The following LMAN2L variants were observed in gnomAD, a reference collection of about 807,000 sequenced individuals.
LMAN2L encodes the protein lectin, mannose binding 2 like.
Under a neutral mutation model 44.3 loss-of-function variants are expected in LMAN2L, and 30 were observed. The ratio of observed to expected loss-of-function variants is 0.68; its 90% CI spans 0.51 to 0.92. The LOEUF (loss-of-function observed/expected upper bound fraction) is 0.92, where lower values mean the gene tolerates loss of function less well. Ranked by LOEUF, LMAN2L falls within the 40% of genes least tolerant of loss-of-function variation. LMAN2L has a pLI of 0.00. For synonymous variants in LMAN2L, 183 were observed against 171.1 expected, an observed-to-expected ratio of 1.07 and a Z score of -0.54; for missense variants, 429 against 446.1, an observed-to-expected ratio of 0.96 and a Z score of 0.35.
intron 4 of LMAN2L, among the ~76,000 whole-genome samples, chr2:96,712,611 G>T (rs2077951419): frequency 6.6e-6 from 1 of 152,140 alleles, no homozygotes; most frequent in Non-Finnish European, 1.5e-5. Flanking sequence ...ACATGGAACG[G>T]GGTTGCTGGA....
At chr2:96,739,625 C>T (rs1366422942) in intron 1 of LMAN2L, among the ~76,000 whole-genome samples, 2 of 152,158 alleles carry the variant, frequency 1.3e-5, no homozygotes, top group Non-Finnish European at 2.9e-5. Flanking sequence ...ACTAGTGGCA[C>T]CCGACAGCCC....
intron 3 of LMAN2L, 131 bp downstream of exon 3, chr2:96,734,278 C>G: frequency 1.4e-6 from 1 of 701,322 alleles, no homozygotes; most frequent in South Asian, 1.6e-5. Flanking sequence ...CTAGAAGGGC[C>G]AGTGTTCATC....
At chr2:96,739,018 G>T (rs2078577678) in intron 1 of LMAN2L, among the ~76,000 whole-genome samples, 1 of 152,198 alleles carries the variant, frequency 6.6e-6, no homozygotes, top group African/African-American at 2.4e-5. Flanking sequence ...GGAGATTACA[G>T]GCGTGAGCCA....
chr2:96,709,254 T>C (rs2077859331), intron 6 of LMAN2L, among the ~76,000 whole-genome samples: 1 of 152,188 alleles, frequency 6.6e-6, no homozygotes, highest in Non-Finnish European at 1.5e-5. Flanking sequence ...TCAACTCACC[T>C]GTCTTTGTCA....
intron 4 of LMAN2L, among the ~76,000 whole-genome samples, chr2:96,716,881 A>G (rs2153324308): frequency 6.6e-6 from 1 of 152,324 alleles, no homozygotes; most frequent in Admixed American, 6.5e-5. Flanking sequence ...AACAGTATGT[A>G]CTCTGAAGCA....
At position 96,711,971 on chromosome 2, in the gene LMAN2L, G is replaced by A. The variant is rs770863578; in HGVS notation, c.562C>T (p.His188Tyr). 1.2e-6 allele frequency: 2 copies of A among 1,614,086 alleles called. No individual in the cohort carries two copies. Among genetic ancestry groups the A allele is most frequent in the Admixed American group, 1.7e-5 (1 of 60,004 alleles). ...MVNNGSLSYD[H>Y]ERDGRPTELG... The stretch of plus-strand genomic sequence containing the variant: ...TCTGTAGGCCGCCCATCCCGCTCAT[G>A]ATCATAGCTGAGGGAGCCGTTGTTC... The change falls in exon 5 of 8, where the codon CAT (histidine) becomes TAT (tyrosine). Residue 188 changes from histidine (H) to tyrosine (Y), a missense_variant. Physicochemically the swap from His to Tyr is moderately conservative, Grantham distance 83. Coordinates refer to ENST00000264963, the MANE Select transcript of LMAN2L (RefSeq NM_030805.4).
intron 4 of LMAN2L, among the ~76,000 whole-genome samples, chr2:96,731,379 T>A (rs1282539002): frequency 6.6e-6 from 1 of 152,216 alleles, no homozygotes; most frequent in Non-Finnish European, 1.5e-5. Flanking sequence ...CTGGGCACAG[T>A]GGCTCATACC....
intron 4 of LMAN2L, among the ~76,000 whole-genome samples, chr2:96,721,012 A>G (rs781659551): frequency 6.6e-6 from 1 of 152,186 alleles, no homozygotes; most frequent in Non-Finnish European, 1.5e-5. Flanking sequence ...CTTAAAGTAT[A>G]TAATTCAATG....
intron 4 of LMAN2L, among the ~76,000 whole-genome samples, chr2:96,712,622 T>A (rs2077951618): frequency 1.3e-5 from 2 of 152,206 alleles, no homozygotes; most frequent in African/African-American, 4.8e-5. Flanking sequence ...GGTTGCTGGA[T>A]GGGCTCAGCC....
chr2:96,731,573 G>T (rs1017545031), intron 4 of LMAN2L, among the ~76,000 whole-genome samples: 3 of 151,938 alleles, frequency 2.0e-5, no homozygotes, highest in Non-Finnish European at 4.4e-5. Flanking sequence ...TTGAACCCAG[G>T]AGGTGTATGT....
At chr2:96,712,298 G>C (rs141143554) in intron 4 of LMAN2L, among the ~76,000 whole-genome samples, 1 of 152,204 alleles carries the variant, frequency 6.6e-6, no homozygotes, top group African/African-American at 2.4e-5. Flanking sequence ...TAAGACGCTG[G>C]AGTCTGACTT....
At chr2:96,716,388 C>A (rs1481969285) in intron 4 of LMAN2L, among the ~76,000 whole-genome samples, 1 of 151,964 alleles carries the variant, frequency 6.6e-6, no homozygotes, top group Non-Finnish European at 1.5e-5. Context: ...TGTTACCACA[C>A]AACTGGAGTT....
In LMAN2L at chr2:96,738,023, C is replaced by T. The variant is rs540024012; in HGVS notation, c.232G>A (p.Ala78Thr). The T allele has an allele frequency of 6.2e-7, 1 of 1,614,120 alleles. No individual in the cohort carries two copies. Among genetic ancestry groups the T allele is most frequent in the African/African-American group, 1.3e-5 (1 of 75,034 alleles). Residue 78 changes from alanine (A) to threonine (T), a missense_variant, in exon 2 of 8, where the codon GCC (alanine) becomes ACC (threonine). By Grantham distance (58) the Ala-to-Thr change is moderately conservative. Transcript: ENST00000264963. Reference protein sequence around the residue: ...SSSLWNLMGNAMVMTQYIRLT... With the variant: ...SSSLWNLMGNTMVMTQYIRLT... ...CGGATATACTGGGTCATCACCATGG[C>T]ATTGCCCATCAGATTCCACAGTGAG...
At chr2:96,725,867 C>A (rs2078259737) in intron 4 of LMAN2L, among the ~76,000 whole-genome samples, 1 of 151,908 alleles carries the variant, frequency 6.6e-6, no homozygotes, top group Non-Finnish European at 1.5e-5. Flanking sequence ...AGGCGCGGTA[C>A]CTCACGCCTG....
intron 2 of LMAN2L, among the ~76,000 whole-genome samples, chr2:96,736,172 T>C (rs926622164): frequency 7.9e-5 from 12 of 152,180 alleles, no homozygotes; most frequent in African/African-American, 2.9e-4. Flanking sequence ...CACAATGCTA[T>C]ACTGTTTTGC....
intron 2 of LMAN2L, among the ~76,000 whole-genome samples, chr2:96,736,859 A>G (rs2078526799): frequency 6.6e-6 from 1 of 152,200 alleles, no homozygotes; most frequent in Non-Finnish European, 1.5e-5. Flanking sequence ...ACTCTGTCCA[A>G]AAATGAGCTC....
At chr2:96,721,300 C>T (rs2078148743) in intron 4 of LMAN2L, among the ~76,000 whole-genome samples, 1 of 146,996 alleles carries the variant, frequency 6.8e-6, no homozygotes, top group Admixed American at 6.8e-5. Flanking sequence ...TGTTGGAGCA[C>T]ATATCGATAC....
rs531957706 is a variant in LMAN2L, at chr2:96,724,685, T to C, written c.507+8834A>G. On this transcript the variant is annotated intron_variant, in intron 4 of 7. Transcript: ENST00000264963. ...TTTTTGAGACAGAGTCTTGCTCTGT[T>C]GCCCAGGCTGGAGTGAAGTGGCGCA... Among the ~76,000 whole-genome samples the C allele has an allele frequency of 6.6e-5, 10 of 151,992 alleles. No homozygotes were observed. The East Asian group carries it at 7.7e-4, about 12-fold the overall frequency.
chr2:96,734,001 C>G (rs927962645), intron 3 of LMAN2L, among the ~76,000 whole-genome samples: 1 of 152,166 alleles, frequency 6.6e-6, no homozygotes, highest in Non-Finnish European at 1.5e-5. Flanking sequence ...TCAGGTTGAG[C>G]CTGCCATCTA....
Sources: allele counts gnomAD v4.1 joint callset (sites outside exome capture counted in the v4.1 genomes callset), GRCh38; gene constraint gnomAD v4.1.1; transcripts MANE v1.5; gene names NCBI Gene and HGNC (gene_info 2026-07-23, HGNC 2026-07-21).